NOS1: variants seen among roughly 807,000 people sequenced by gnomAD.
NOS1 encodes NOS type I.
NOS1 carries 51 observed loss-of-function variants against 164.5 expected under a neutral mutation model. The ratio of observed to expected loss-of-function variants is 0.31; its 90% confidence interval spans 0.25 to 0.39. NOS1 has a LOEUF of 0.39. Among genes scored for constraint, NOS1 ranks in the 10% least tolerant of loss-of-function variants. The pLI is 1.00. For missense variants in NOS1, 1,362 were observed against 1,885.6 expected (o/e 0.72, Z 5.14); for synonymous variants, 719 against 745.8 (o/e 0.96, Z 0.59).
intron 1 of NOS1, among the ~76,000 whole-genome samples, chr12:117,351,391 G>A (rs1406907331): frequency 1.3e-5 from 2 of 152,128 alleles, no homozygotes; most frequent in African/African-American, 2.4e-5. Context: ...TTCAGGCCTG[G>A]AGTGGCAACT....
chr12:117,215,869 C>CT (rs34665031), intron 28 of NOS1, among the ~76,000 whole-genome samples: 3,036 of 85,312 alleles, frequency 0.036, 55 homozygotes, highest in Non-Finnish European at 0.047. Flanking sequence ...TTTAAAAGGA[C>CT]TTTTTTTTTT....
intron 11 of NOS1, among the ~76,000 whole-genome samples, chr12:117,267,703 T>C (rs1872524307): frequency 6.6e-6 from 1 of 152,206 alleles, no homozygotes; most frequent in African/African-American, 2.4e-5. Flanking sequence ...TCTGATGATG[T>C]TGAAGAGTAT....
chr12:117,348,439 T>C, intron 1 of NOS1: 1 of 152,192 alleles, frequency 6.6e-6, no homozygotes, highest in East Asian at 1.9e-4. Flanking sequence ...TTTGCAAGAC[T>C]CTTGTGAAGA....
chr12:117,334,437 C>T (rs887657630), intron 1 of NOS1, among the ~76,000 whole-genome samples: 2 of 152,082 alleles, frequency 1.3e-5, no homozygotes, highest in Admixed American at 1.3e-4. Context: ...CACTCTGTCG[C>T]CCAGGCTGGA....
chr12:117,219,849 G>A (rs1274865104), intron 27 of NOS1, among the ~76,000 whole-genome samples: 1 of 152,098 alleles, frequency 6.6e-6, no homozygotes, highest in Non-Finnish European at 1.5e-5. Flanking sequence ...TTCACACACA[G>A]CCTCCAGTCA....
chr12:117,246,799 AT>A (rs1566037729), intron 18 of NOS1, among the ~76,000 whole-genome samples: 12 of 152,226 alleles, frequency 7.9e-5, no homozygotes, highest in Admixed American at 4.6e-4. Context: ...TGTAGCATGT[AT>A]CACCACTTCA....
In NOS1 at chr12:117,247,290, G is replaced by A. The variant is rs986294339; in HGVS notation, c.2823+58C>T. On this transcript the variant is annotated intron_variant, in intron 18 of 28. Coordinates refer to ENST00000317775, the MANE Select transcript of NOS1 (RefSeq NM_000620.5). ...TTCTCTTCTTGATGGTTTAGGTGCT[G>A]TCTTTGGGGGTGTGGGGAGCATTAC... The A allele has an allele frequency of 3.6e-6, 5 of 1,396,706 alleles. No homozygotes were observed. The Admixed American group carries it at 6.6e-5, about 18-fold the overall frequency. The allele number at this position is 1,396,706 out of a possible 1,614,324, so 86.5% of individuals were successfully genotyped here. A position where few individuals can be genotyped will look rare whatever the true frequency, so the allele number is the denominator to read the frequency against.
chr12:117,312,428 C>T (rs934907366), intron 2 of NOS1, among the ~76,000 whole-genome samples: 3 of 151,776 alleles, frequency 2.0e-5, no homozygotes, highest in Admixed American at 6.6e-5. Context: ...GACTGTTTTT[C>T]GTTTTTTTCC....
At chr12:117,223,903 C>T (rs1219526655) in intron 25 of NOS1, among the ~76,000 whole-genome samples, 1 of 152,244 alleles carries the variant, frequency 6.6e-6, no homozygotes, top group Non-Finnish European at 1.5e-5. Context: ...ATCCACCTGC[C>T]TCAGCCTTCC....
intron 27 of NOS1, among the ~76,000 whole-genome samples, chr12:117,218,408 T>TTC (rs9658543): frequency 0.013 from 1,941 of 152,136 alleles, 17 homozygotes; most frequent in East Asian, 0.051. Flanking sequence ...AACATTTAGG[T>TTC]TGCCATCTGG....
intron 26 of NOS1, among the ~76,000 whole-genome samples, chr12:117,221,038 C>T (rs558276917): frequency 6.6e-6 from 1 of 152,266 alleles, no homozygotes; most frequent in South Asian, 2.1e-4. Flanking sequence ...TTCCCTGGGA[C>T]CCCCAGACCT....
intron 17 of NOS1, among the ~76,000 whole-genome samples, chr12:117,247,886 T>C (rs1379376644): frequency 6.7e-6 from 1 of 148,846 alleles, no homozygotes; most frequent in Non-Finnish European, 1.5e-5. Flanking sequence ...GCGGAGCTTA[T>C]AGTGAGCCAA....
intron 8 of NOS1, 138 bp from the exon 9 acceptor site, chr12:117,278,236 C>T: frequency 1.1e-6 from 1 of 921,186 alleles, no homozygotes; most frequent in Non-Finnish European, 1.5e-6. Flanking sequence ...GGCTCTTGGA[C>T]CACATCACCT....
Position 117,213,817 on chromosome 12 carries a change from T to C in NOS1, c.*1492A>G. 1.0e-6 allele frequency: 1 copy of C among 985,432 alleles called. No individual in the cohort carries two copies. The highest frequency in any genetic ancestry group is 1.2e-6 in the Non-Finnish European group (1 of 829,928). The allele number at this position is 985,432 out of a possible 1,614,324, so 61.0% of individuals were successfully genotyped here. A position where few individuals can be genotyped will look rare whatever the true frequency, so the allele number is the denominator to read the frequency against. ...TTCTTGTCTCTTTCTGGGAACTGCC[T>C]GACACTAATTTGTAGTATTTAAAAA... On this transcript the variant is annotated 3_prime_UTR_variant, in exon 29 of 29. Coordinates refer to ENST00000317775, the MANE Select transcript of NOS1 (RefSeq NM_000620.5).
intron 3 of NOS1, among the ~76,000 whole-genome samples, chr12:117,305,934 G>A (rs1417610053): frequency 6.6e-6 from 1 of 151,912 alleles, no homozygotes; most frequent in Non-Finnish European, 1.5e-5. Flanking sequence ...TAGGAGTACA[G>A]GTGTGTGCCT....
intron 2 of NOS1, among the ~76,000 whole-genome samples, chr12:117,324,564 T>C (rs1875147834): frequency 6.6e-6 from 1 of 152,104 alleles, no homozygotes; most frequent in Admixed American, 6.5e-5. Context: ...ACCCTGTTTC[T>C]ACAAAAAATA....
At chr12:117,253,837 C>T in intron 16 of NOS1, 83 bp from the exon 17 acceptor site, 1 of 892,238 alleles carries the variant, frequency 1.1e-6, no homozygotes. Flanking sequence ...TTCAAGTGAC[C>T]AGTCCTGATT....
Position 117,234,626 on chromosome 12 carries a change from G to A in NOS1, c.3174C>T (p.Asp1058=), listed in dbSNP as rs778131502. Residue 1058 remains aspartate, a synonymous_variant, in exon 21 of 29, where the codon GAC becomes GAT. Coordinates refer to ENST00000317775, the MANE Select transcript of NOS1 (RefSeq NM_000620.5). This position sits in a 1 kb window ranked among gnomAD's most constrained non-coding sequence, Gnocchi z 4.3. ...LVNALIERLE[D]APPVNQMVKV... is the part of the protein sequence containing the mutation. The stretch of plus-strand genomic sequence containing the variant: ...TCACCATCTGGTTGACAGGCGGCGC[G>A]TCCTCCAGCCGCTCGATCAGGGCAT... 2.5e-5 allele frequency: 40 copies of A among 1,614,134 alleles called. No individual in the cohort carries two copies. The highest frequency in any genetic ancestry group is 3.1e-5 in the Non-Finnish European group (36 of 1,180,002).
chr12:117,359,195 C>T (rs941129379), intron 1 of NOS1, among the ~76,000 whole-genome samples: 1 of 134,658 alleles, frequency 7.4e-6, no homozygotes, highest in African/African-American at 2.9e-5. Flanking sequence ...GGAAAGGGGC[C>T]GGGGCCCGCC....
Sources: allele counts gnomAD v4.1 joint callset (sites outside exome capture counted in the v4.1 genomes callset), GRCh38; gene constraint gnomAD v4.1.1; non-coding constraint Gnocchi (gnomAD v3.1); transcripts MANE v1.5; gene names NCBI Gene and HGNC (gene_info 2026-07-23, HGNC 2026-07-21).